CUX1: variants seen among roughly 807,000 people sequenced by gnomAD.
CUX1 encodes cut like homeobox 1.
Under a neutral mutation model 158.8 loss-of-function variants are expected in CUX1, and 31 were observed. That is an observed-to-expected ratio of 0.20 (90% CI 0.15 to 0.26). The LOEUF is 0.26. CUX1 is among the 10% of genes least tolerant of loss of function. CUX1 has a pLI of 1.00. For synonymous variants in CUX1, 879 were observed against 862.1 expected (o/e 1.02, Z -0.34); for missense variants, 1,589 against 2,014.6 (o/e 0.79, Z 4.04).
intron 3 of CUX1, among the ~76,000 whole-genome samples, chr7:102,069,186 C>T (rs916290952): frequency 6.6e-6 from 1 of 152,196 alleles, no homozygotes; most frequent in African/African-American, 2.4e-5. Context: ...TTCTCTTCCT[C>T]CCTGCCCCCT....
chr7:102,039,429 G>A (rs1821798733), intron 3 of CUX1, among the ~76,000 whole-genome samples: 2 of 152,074 alleles, frequency 1.3e-5, no homozygotes. Context: ...CGAGACAGGC[G>A]GCTCACTTGA....
In CUX1 at chr7:102,227,387, G is replaced by A. The variant is rs369155967; in HGVS notation, c.3151G>A (p.Ala1051Thr). ...VSSESTPKTS[A>T]SCSPAPESPM... is the part of the protein sequence containing the mutation. ...TACAGAAAGCACTCCAAAGACCTCC[G>A]CCAGCTGCAGCCCTGCCCCTGAGTC... The change falls in exon 21 of 24, where the codon GCC becomes ACC. Residue 1051 changes from alanine to threonine, a missense_variant. By Grantham distance (58) the Ala-to-Thr change is moderately conservative. Around this residue, in one of 8 missense-constraint regions of CUX1, gnomAD observed 259 missense variants for 373.8 expected, o/e 0.69. Coordinates refer to ENST00000292535, the MANE Select transcript of CUX1 (RefSeq NM_181552.4). 3.2e-5 allele frequency: 51 copies of A among 1,608,422 alleles called. 1 individual carries two copies. The highest frequency in any genetic ancestry group is 1.5e-4 in the South Asian group (14 of 91,006).
chr7:101,979,661 T>C (rs1157157483), intron 2 of CUX1, among the ~76,000 whole-genome samples: 1 of 152,070 alleles, frequency 6.6e-6, no homozygotes, highest in African/African-American at 2.4e-5. Context: ...TTTTTTCTTT[T>C]TTTTTTGAGA....
chr7:102,066,625 T>C (rs1438313551), intron 3 of CUX1, among the ~76,000 whole-genome samples: 2 of 152,164 alleles, frequency 1.3e-5, no homozygotes, highest in African/African-American at 2.4e-5. Context: ...AGGCAGATCC[T>C]AAGCCAGAAA....
chr7:102,178,709 T>C (rs782693497), intron 11 of CUX1, 52 bp downstream of exon 11: 22 of 1,536,722 alleles, frequency 1.4e-5, no homozygotes, highest in Non-Finnish European at 1.7e-5. Context: ...GGCGGATGGC[T>C]GGACACACGC....
intron 2 of CUX1, among the ~76,000 whole-genome samples, chr7:101,962,674 A>G (rs1810662218): frequency 6.6e-6 from 1 of 152,124 alleles, no homozygotes; most frequent in African/African-American, 2.4e-5. Flanking sequence ...CCTCCCATTC[A>G]TTCTGAGCAA....
At chr7:101,959,690 T>TC (rs1030743675) in intron 2 of CUX1, 1 of 152,204 alleles carries the variant, frequency 6.6e-6, no homozygotes, top group African/African-American at 2.4e-5. Flanking sequence ...GTATTTTTTT[T>TC]CCCCTCTCTC....
intron 1 of CUX1, among the ~76,000 whole-genome samples, chr7:101,876,932 T>G (rs1486756703): frequency 6.6e-6 from 1 of 152,024 alleles, no homozygotes; most frequent in Non-Finnish European, 1.5e-5. Flanking sequence ...TTTTTTCATC[T>G]TTTTCCTAGT....
rs943546584 is a variant in CUX1, at chr7:102,277,831, A to G, written c.1564-118A>G. 83 of 543,810 alleles carry G rather than the reference A, an allele frequency of 1.5e-4. No homozygotes were observed. The Middle Eastern group carries it at 1.5e-3, about 10-fold the overall frequency. 33.7% of individuals were successfully genotyped at this position (543,810 alleles called of 1,614,324 possible). A position where few individuals can be genotyped will look rare whatever the true frequency, so the allele number is the denominator to read the frequency against. On this transcript the variant is annotated intron_variant, in intron 17 of 22. Coordinates refer to the CUX1 transcript ENST00000292538. ...AGTGGGGGAAGGGGCAGCTTTACAG[A>G]GTCAGGCAGGTCAAGGAGAAGGCTG...
Position 102,071,337 on chromosome 7 carries a change from C to T in CUX1, c.268+920C>T, listed in dbSNP as rs183137372. On this transcript the variant is annotated intron_variant, in intron 4 of 23. Coordinates refer to ENST00000292535, the MANE Select transcript of CUX1 (RefSeq NM_181552.4). Reference sequence around the variant, plus strand: ...AGGCATTCTAAGAGGTGATGGCTTCCGATTCTTTATTCTGGAAAAGTGAGA... The same window carrying T: ...AGGCATTCTAAGAGGTGATGGCTTCTGATTCTTTATTCTGGAAAAGTGAGA... 2.4e-3 allele frequency among the ~76,000 whole-genome samples: 371 copies of T among 152,190 alleles called. 1 individual carries two copies. Among genetic ancestry groups the T allele is most frequent in the Non-Finnish European group, 3.9e-3 (267 of 68,014 alleles).
At chr7:101,871,739 C>T (rs774759713) in intron 1 of CUX1, among the ~76,000 whole-genome samples, 12 of 152,030 alleles carry the variant, frequency 7.9e-5, no homozygotes, top group Admixed American at 3.3e-4. Context: ...ATTTGTGGGC[C>T]GGGTGCCGTG....
At chr7:101,958,327 C>A (rs970131748) in intron 2 of CUX1, among the ~76,000 whole-genome samples, 2 of 151,600 alleles carry the variant, frequency 1.3e-5, no homozygotes, top group African/African-American at 4.9e-5. Context: ...GTCGTGGGAA[C>A]TGGGCCCTAC....
chr7:102,017,486 G>A (rs1195083135), intron 2 of CUX1, among the ~76,000 whole-genome samples: 1 of 148,290 alleles, frequency 6.7e-6, no homozygotes, highest in Non-Finnish European at 1.5e-5. Flanking sequence ...GCTCCCTGAG[G>A]GCAGGGACTG....
At chr7:102,149,364 C>T (rs1317252327) in intron 8 of CUX1, among the ~76,000 whole-genome samples, 3 of 152,154 alleles carry the variant, frequency 2.0e-5, no homozygotes, top group African/African-American at 7.2e-5. Flanking sequence ...CCATTTCCTT[C>T]CGCCTCCCAC....
chr7:102,109,783 CAAAA>C (rs574010132), intron 6 of CUX1, among the ~76,000 whole-genome samples: 1 of 121,426 alleles, frequency 8.2e-6, no homozygotes, highest in African/African-American at 3.0e-5. Context: ...ACCCTGTCTC[CAAAA>C]AAAAAAAAAG....
intron 2 of CUX1, among the ~76,000 whole-genome samples, chr7:102,023,494 G>C (rs1166813161): frequency 6.6e-6 from 1 of 152,180 alleles, no homozygotes; most frequent in Non-Finnish European, 1.5e-5. Context: ...TTTTGAGACA[G>C]AGTCTCTCTC....
At chr7:101,930,666 G>A (rs2129116435) in intron 2 of CUX1, among the ~76,000 whole-genome samples, 1 of 152,296 alleles carries the variant, frequency 6.6e-6, no homozygotes, top group East Asian at 1.9e-4. Context: ...ATTTTAAGAA[G>A]ATGTTGTGTT....
At chr7:102,213,828 C>A (rs186637716) in intron 20 of CUX1, among the ~76,000 whole-genome samples, 2 of 152,106 alleles carry the variant, frequency 1.3e-5, no homozygotes, top group Non-Finnish European at 2.9e-5. Context: ...AGCTGATGTC[C>A]GTAATCCTTA....
Position 102,250,744 on chromosome 7 carries a change from A to T in CUX1, c.*1702A>T. Reference sequence around the variant, plus strand: ...CTTGTCTCTGATTCCTCCCTTGTCTATGTGTATATGCGTGAGAATAGAGGC... The same window carrying T: ...CTTGTCTCTGATTCCTCCCTTGTCTTTGTGTATATGCGTGAGAATAGAGGC... On this transcript the variant is annotated 3_prime_UTR_variant, in exon 24 of 24. Transcript: ENST00000292535. 1 of 985,256 alleles carries T rather than the reference A, an allele frequency of 1.0e-6. No individual in the cohort carries two copies. Among genetic ancestry groups the T allele is most frequent in the Non-Finnish European group, 1.2e-6 (1 of 829,910 alleles). 61.0% of individuals were successfully genotyped at this position (985,256 alleles called of 1,614,324 possible).
Sources: allele counts gnomAD v4.1 joint callset (sites outside exome capture counted in the v4.1 genomes callset), GRCh38; gene constraint gnomAD v4.1.1; regional missense constraint gnomAD v4.1.1; transcripts MANE v1.5; gene names NCBI Gene and HGNC (gene_info 2026-07-23, HGNC 2026-07-21).